Variants in ADGRL3 observed in about 807,000 individuals in gnomAD.
ADGRL3 encodes calcium-independent alpha-latrotoxin receptor 3.
Under a neutral mutation model 153.5 loss-of-function variants are expected in ADGRL3, and 62 were observed. The observed-to-expected ratio is 0.40, with a 90% CI of 0.33 to 0.50. The LOEUF (loss-of-function observed/expected upper bound fraction) is 0.50. Among genes scored for constraint, ADGRL3 ranks in the 20% least tolerant of loss-of-function variants. The pLI is 0.47. For missense variants in ADGRL3, 1,641 were observed against 1,859.4 expected (o/e 0.88, Z 2.16); for synonymous variants, 710 against 672.5 (o/e 1.06, Z -0.86).
chr4:61,868,607 A>G (rs2098417092), intron 9 of ADGRL3, among the ~76,000 whole-genome samples: 1 of 152,204 alleles, frequency 6.6e-6, no homozygotes, highest in African/African-American at 2.4e-5. Context: ...GTTGATTATA[A>G]TAACAACCTC....
At chr4:61,934,798 G>A (rs780817208) in intron 13 of ADGRL3, 42 bp from the exon 14 acceptor site, 2 of 1,517,628 alleles carry the variant, frequency 1.3e-6, no homozygotes, top group Non-Finnish European at 1.8e-6. Context: ...CAGCTATGTG[G>A]GTTCACTAGA....
chr4:62,040,182 A>T (rs1461209220), intron 24 of ADGRL3, among the ~76,000 whole-genome samples: 1 of 152,126 alleles, frequency 6.6e-6, no homozygotes, highest in Non-Finnish European at 1.5e-5. Flanking sequence ...TTGAAGTAAT[A>T]TACACAAAAC....
intron 21 of ADGRL3, among the ~76,000 whole-genome samples, chr4:62,024,592 A>G (rs1717228374): frequency 2.0e-5 from 3 of 152,132 alleles, no homozygotes; most frequent in Admixed American, 2.0e-4. Flanking sequence ...ATTTATGACC[A>G]TAGAGAAAAA....
intron 5 of ADGRL3, among the ~76,000 whole-genome samples, chr4:61,616,645 T>C (rs1010557801): frequency 3.9e-5 from 6 of 152,132 alleles, no homozygotes; most frequent in East Asian, 3.9e-4. Context: ...ATTTCCTTTA[T>C]GATTTTGATT....
chr4:61,682,562 A>ATTT (rs1435942815), intron 6 of ADGRL3, among the ~76,000 whole-genome samples: 2 of 80,696 alleles, frequency 2.5e-5, no homozygotes, highest in Non-Finnish European at 2.6e-5. Context: ...TCTTTAAAAA[A>ATTT]ATTTTTTTTT....
intron 1 of ADGRL3, among the ~76,000 whole-genome samples, chr4:61,367,807 C>G (rs1242360817): frequency 9.2e-6 from 1 of 108,918 alleles, no homozygotes; most frequent in Non-Finnish European, 1.9e-5. Flanking sequence ...CCTGAGGAAT[C>G]GCCACACTGA....
intron 1 of ADGRL3, among the ~76,000 whole-genome samples, chr4:61,364,184 T>C (rs2096348302): frequency 1.3e-5 from 2 of 151,420 alleles, no homozygotes; most frequent in Non-Finnish European, 2.9e-5. Flanking sequence ...AAAAAAAAAA[T>C]TAGCTGGGCA....
At chr4:61,280,398 C>T (rs2202498) in intron 1 of ADGRL3, among the ~76,000 whole-genome samples, 23,303 of 136,692 alleles carry the variant, frequency 0.17, 1,950 homozygotes, top group Admixed American at 0.22. Flanking sequence ...TGAGCCACTG[C>T]GCCTGGCCTT....
chr4:61,640,597 G>A (rs1029910719), intron 5 of ADGRL3, among the ~76,000 whole-genome samples: 3 of 152,188 alleles, frequency 2.0e-5, no homozygotes, highest in Admixed American at 2.0e-4. Context: ...ACTATGTTTT[G>A]TTCATTTATG....
At chr4:61,387,896 T>A (rs1483463031) in intron 2 of ADGRL3, among the ~76,000 whole-genome samples, 1 of 152,146 alleles carries the variant, frequency 6.6e-6, no homozygotes, top group Admixed American at 6.5e-5. Context: ...GTCCATGAAA[T>A]CTTCACAACT....
chr4:61,465,059 T>C (rs1405526068), intron 2 of ADGRL3, among the ~76,000 whole-genome samples: 1 of 152,194 alleles, frequency 6.6e-6, no homozygotes, highest in African/African-American at 2.4e-5. Flanking sequence ...GATCCTGATG[T>C]CAGAGTATAT....
chr4:61,706,591 C>T (rs1023138278), intron 6 of ADGRL3, among the ~76,000 whole-genome samples: 3 of 152,090 alleles, frequency 2.0e-5, no homozygotes, highest in African/African-American at 7.2e-5. Context: ...ATGGAGACAG[C>T]TTATTTTTTT....
chr4:61,322,938 T>A (rs557310049), intron 1 of ADGRL3, among the ~76,000 whole-genome samples: 1 of 152,224 alleles, frequency 6.6e-6, no homozygotes, highest in Admixed American at 6.5e-5. Flanking sequence ...CCTTCTGCAA[T>A]GCCCTAGCAG....
chr4:62,075,704 C>T lies in ADGRL3; in HGVS notation c.*4796C>T, dbSNP rs1210919454. The T allele has an allele frequency of 1.3e-5, 2 of 152,018 alleles. No individual in the cohort carries two copies. The highest frequency in any genetic ancestry group is 2.9e-5 in the Non-Finnish European group (2 of 68,004). The allele number at this position is 152,018 out of a possible 1,614,324, so 9.4% of individuals were successfully genotyped here. A position where few individuals can be genotyped will look rare whatever the true frequency, so the allele number is the denominator to read the frequency against. On this transcript the variant is annotated 3_prime_UTR_variant, in exon 27 of 27. Coordinates refer to ENST00000683033, the MANE Select transcript of ADGRL3 (RefSeq NM_001387552.1). ...TTAAATTACGAAGATGGCACAAAAG[C>T]AAAGCAGCAACATTGCACAATAGCT...
At chr4:61,294,903 T>TCACA (rs3035670) in intron 1 of ADGRL3, among the ~76,000 whole-genome samples, 26 of 130,936 alleles carry the variant, frequency 2.0e-4, no homozygotes, top group African/African-American at 6.9e-4. Flanking sequence ...ACACACACAC[T>TCACA]CACACACACA....
At chr4:62,055,769 T>A (rs1039727764) in intron 25 of ADGRL3, among the ~76,000 whole-genome samples, 1 of 151,744 alleles carries the variant, frequency 6.6e-6, no homozygotes, top group Non-Finnish European at 1.5e-5. Context: ...GTACTTTCTG[T>A]AGATTGTTTA....
At position 61,289,214 on chromosome 4, in the gene ADGRL3, G is replaced by T. The variant is rs541598242; in HGVS notation, c.-240+87449G>T. ...CATGACTGGCTATCTGTCCACTCAA[G>T]GTATGTATTCATGAGGGCTATATGT... On this transcript the variant is annotated intron_variant, in intron 1 of 26. Transcript: ENST00000683033. 5.9e-5 allele frequency among the ~76,000 whole-genome samples: 9 copies of T among 151,822 alleles called. No homozygotes were observed. The South Asian group carries it at 1.0e-3, about 18-fold the overall frequency.
intron 2 of ADGRL3, among the ~76,000 whole-genome samples, chr4:61,423,299 A>C (rs1185721340): frequency 2.6e-5 from 4 of 152,230 alleles, no homozygotes; most frequent in African/African-American, 9.6e-5. Context: ...GATGATTAAG[A>C]TTTGGATACA....
At chr4:61,645,205 A>T (rs1324891282) in intron 5 of ADGRL3, among the ~76,000 whole-genome samples, 6 of 152,140 alleles carry the variant, frequency 3.9e-5, no homozygotes, top group Non-Finnish European at 7.3e-5. Flanking sequence ...GGTTTTCTGA[A>T]TACAGCACAC....
Sources: gnomAD v4.1 joint callset for allele counts (sites outside exome capture counted in the v4.1 genomes callset) on GRCh38, gnomAD v4.1.1 for gene constraint, MANE v1.5 for transcripts, NCBI Gene and HGNC (gene_info 2026-07-23, HGNC 2026-07-21) for gene names.